Variants in PLCG2 observed in about 807,000 individuals in gnomAD.
PLCG2 encodes the protein phospholipase C gamma 2.
A neutral mutation model predicts 175.6 loss-of-function variants in PLCG2; 69 were observed. The observed-to-expected ratio is 0.39, with a 90% confidence interval of 0.32 to 0.48. The LOEUF is 0.48. PLCG2 is among the 20% of genes least tolerant of loss of function. The pLI, the probability that PLCG2 is intolerant of heterozygous loss-of-function variation, is 0.91. For missense variants in PLCG2, 1,798 were observed against 1,650.9 expected, an observed-to-expected ratio of 1.09 and a Z score of -1.54; for synonymous variants, 827 against 624.0, an observed-to-expected ratio of 1.33 and a Z score of -4.85.
chr16:81,881,484 T>G (rs1050443509), intron 8 of PLCG2, among the ~76,000 whole-genome samples: 1 of 152,232 alleles, frequency 6.6e-6, no homozygotes, highest in Non-Finnish European at 1.5e-5. Context: ...TGAGATGTTA[T>G]GTGTTTCCCC....
intron 1 of PLCG2, chr16:81,740,724 C>CAAAAAAAAAAAAAA: frequency 3.6e-5 from 1 of 27,938 alleles, no homozygotes; most frequent in African/African-American, 1.5e-4. Flanking sequence ...GACTCCATCT[C>CAAAAAAAAAAAAAA]AAAAAAAAAA....
At chr16:81,836,439 G>A (rs77626614) in intron 2 of PLCG2, among the ~76,000 whole-genome samples, 1,544 of 152,274 alleles carry the variant, frequency 0.01, 26 homozygotes, top group African/African-American at 0.036. Context: ...CCTTGGTAGT[G>A]GTTAAGAGTG....
intron 2 of PLCG2, among the ~76,000 whole-genome samples, chr16:81,771,616 G>C (rs1392089461): frequency 6.6e-6 from 1 of 152,046 alleles, no homozygotes; most frequent in African/African-American, 2.4e-5. Context: ...CCCATTGAGA[G>C]GTAAATAGGT....
chr16:81,926,684 G>A (rs9931137), intron 22 of PLCG2, among the ~76,000 whole-genome samples: 102,270 of 151,998 alleles, frequency 0.67, 35,276 homozygotes, highest in East Asian at 0.81. Flanking sequence ...AGCCTCCACC[G>A]TCAGTGGTAG....
chr16:81,752,581 CTG>C (rs1909834599), intron 1 of PLCG2, among the ~76,000 whole-genome samples: 1 of 152,204 alleles, frequency 6.6e-6, no homozygotes, highest in Non-Finnish European at 1.5e-5. Flanking sequence ...TCTGAGGTCT[CTG>C]TGAGCCCCCA....
chr16:81,805,767 G>GTTTTTTTGTTTTTT (rs1911983342), intron 2 of PLCG2, among the ~76,000 whole-genome samples: 1 of 39,520 alleles, frequency 2.5e-5, no homozygotes, highest in African/African-American at 1.2e-4. Flanking sequence ...GTTTTGTTTT[G>GTTTTTTTGTTTTTT]TTTTTTTTTT....
At chr16:81,840,600 G>C (rs1905770149) in intron 2 of PLCG2, among the ~76,000 whole-genome samples, 2 of 152,106 alleles carry the variant, frequency 1.3e-5, no homozygotes, top group African/African-American at 4.8e-5. Flanking sequence ...GTACAACCTG[G>C]GTCCCTCACA....
chr16:81,920,962 C>T (rs1876474944), intron 20 of PLCG2, among the ~76,000 whole-genome samples: 1 of 152,184 alleles, frequency 6.6e-6, no homozygotes, highest in Admixed American at 6.5e-5. Context: ...AACGCAGTGC[C>T]TGGCACGCAG....
chr16:81,829,132 G>A (rs1905159349), intron 2 of PLCG2, among the ~76,000 whole-genome samples: 1 of 151,816 alleles, frequency 6.6e-6, no homozygotes, highest in Admixed American at 6.6e-5. Context: ...TTTTTGAGAC[G>A]GAGTCTGGCT....
intron 11 of PLCG2, 68 bp downstream of exon 11, chr16:81,891,658 G>C (rs569341707): frequency 4.7e-5 from 41 of 871,180 alleles, no homozygotes; most frequent in African/African-American, 4.3e-4. Flanking sequence ...GCAGGGGTCC[G>C]ATACGCCGCT....
At chr16:81,906,768 G>A (rs780296750) in intron 15 of PLCG2, among the ~76,000 whole-genome samples, 1 of 152,198 alleles carries the variant, frequency 6.6e-6, no homozygotes, top group Non-Finnish European at 1.5e-5. Context: ...GGCCAGGCGC[G>A]ATGGCTCATG....
intron 2 of PLCG2, among the ~76,000 whole-genome samples, chr16:81,788,164 C>T (rs1445538653): frequency 3.9e-5 from 6 of 152,124 alleles, no homozygotes; most frequent in Admixed American, 3.9e-4. Flanking sequence ...AGTGGCTGCA[C>T]CATTTATATT....
At chr16:81,803,273 C>T (rs1567472101) in intron 2 of PLCG2, among the ~76,000 whole-genome samples, 1 of 152,026 alleles carries the variant, frequency 6.6e-6, no homozygotes, top group African/African-American at 2.4e-5. Context: ...TGCCCACCAC[C>T]ACGCCTGTCT....
chr16:81,934,251 C>T (rs546663232), intron 25 of PLCG2, among the ~76,000 whole-genome samples, 178 bp from the exon 26 acceptor site: 9 of 152,038 alleles, frequency 5.9e-5, no homozygotes, highest in Non-Finnish European at 1.3e-4. Flanking sequence ...AGAATTTTCA[C>T]AGTGAGAGGA....
At chr16:81,923,232 C>CCTAACCG (rs1206845861) in intron 21 of PLCG2, among the ~76,000 whole-genome samples, 1 of 81,786 alleles carries the variant, frequency 1.2e-5, no homozygotes, top group Non-Finnish European at 2.8e-5. Flanking sequence ...AACCCTAACT[C>CCTAACCG]CTAACCCCTA....
chr16:81,942,936 C>G (rs988119755), intron 30 of PLCG2, among the ~76,000 whole-genome samples: 1 of 149,014 alleles, frequency 6.7e-6, no homozygotes, highest in Non-Finnish European at 1.5e-5. Context: ...TTTTTTTATA[C>G]AAGGAGGGCT....
chr16:81,871,755 G>C (rs1014101556), intron 7 of PLCG2, among the ~76,000 whole-genome samples: 3 of 152,146 alleles, frequency 2.0e-5, no homozygotes, highest in Admixed American at 2.0e-4. Context: ...TGGGGACTCT[G>C]TTTTATGAAA....
rs772223998 is a variant in PLCG2 at position 81,962,059 on chromosome 16, G to A, written c.*4061G>A. 3 of 188,304 alleles carry A rather than the reference G, an allele frequency of 1.6e-5. No homozygotes were observed. The highest frequency in any genetic ancestry group is 6.2e-5 in the Admixed American group (1 of 16,106). The allele number at this position is 188,304 out of a possible 1,614,324, so 11.7% of individuals were successfully genotyped here. ...ATGTGCGTCCCTCCCGAAGCTGCGCGCTCCGTCGAAGAGGACGACCAACCC... is the reference window on the plus strand; with the variant it reads ...ATGTGCGTCCCTCCCGAAGCTGCGCACTCCGTCGAAGAGGACGACCAACCC... On this transcript the variant is annotated 3_prime_UTR_variant, in exon 33 of 33. Transcript: ENST00000564138.
chr16:81,921,351 A>G lies in PLCG2; in HGVS notation c.2307+82A>G, dbSNP rs1910053890. ...TCCATCTTGTTCCCATGGCAGTTAT[A>G]ACAGGGCAAGGGAAGACTTTGGAAA... is the stretch of plus-strand genomic sequence containing the variant. On this transcript the variant is annotated intron_variant, in intron 21 of 32. Transcript: ENST00000564138. The G allele has an allele frequency of 4.2e-6, 4 of 953,682 alleles. No homozygotes were observed. In the African/African-American group the frequency reaches 6.4e-5, roughly 15 times the overall value. 59.1% of individuals were successfully genotyped at this position (953,682 alleles called of 1,614,324 possible). A position where few individuals can be genotyped will look rare whatever the true frequency, so the allele number is the denominator to read the frequency against.
Sources: allele counts gnomAD v4.1 joint callset (sites outside exome capture counted in the v4.1 genomes callset), GRCh38; gene constraint gnomAD v4.1.1; transcripts MANE v1.5; gene names NCBI Gene and HGNC (gene_info 2026-07-23, HGNC 2026-07-21).